The following HPSE2 variants were observed in gnomAD, a reference collection of about 807,000 sequenced individuals.
The protein encoded by HPSE2 is inactive heparanase-2.
Under a neutral mutation model 60.5 loss-of-function variants are expected in HPSE2, and 38 were observed. That is an observed-to-expected ratio of 0.63 (90% CI 0.48 to 0.82). The LOEUF (loss-of-function observed/expected upper bound fraction) is 0.82. Ranked by LOEUF, HPSE2 falls within the 40% of genes least tolerant of loss-of-function variation. The probability of loss-of-function intolerance (pLI) is 0.00; values close to 1 mark genes in which losing one functional copy is unlikely to be tolerated. For missense variants in HPSE2, 713 were observed against 740.4 expected (o/e 0.96, Z 0.43); for synonymous variants, 295 against 293.2 (o/e 1.01, Z -0.06).
intron 3 of HPSE2, among the ~76,000 whole-genome samples, chr10:99,070,339 G>A (rs1311639335): frequency 1.3e-5 from 2 of 152,266 alleles, no homozygotes; most frequent in South Asian, 2.1e-4. Flanking sequence ...AAGATATACT[G>A]ATGGCAAATA....
intron 3 of HPSE2, among the ~76,000 whole-genome samples, chr10:98,819,910 G>A (rs1217513145): frequency 6.6e-6 from 1 of 152,066 alleles, no homozygotes. Flanking sequence ...CATGGATGGA[G>A]ATTTATACAA....
chr10:99,055,575 G>GA (rs1958093556), intron 3 of HPSE2, among the ~76,000 whole-genome samples: 1 of 152,030 alleles, frequency 6.6e-6, no homozygotes, highest in African/African-American at 2.4e-5. Flanking sequence ...CAATTTTGGT[G>GA]AAAAACACCC....
chr10:99,272,125 G>C, the HPSE2 span, among the ~76,000 whole-genome samples: 1 of 152,094 alleles, frequency 6.6e-6, no homozygotes, highest in African/African-American at 2.4e-5. Context: ...ACAAAAATTA[G>C]CCAGGCATGG....
chr10:98,977,030 A>C (rs1486157280), intron 3 of HPSE2, among the ~76,000 whole-genome samples: 1 of 152,166 alleles, frequency 6.6e-6, no homozygotes, highest in Non-Finnish European at 1.5e-5. Context: ...AATAGAATTT[A>C]CTCAAGAGCC....
chr10:98,774,473 G>T (rs1950300777), intron 3 of HPSE2, among the ~76,000 whole-genome samples: 3 of 152,110 alleles, frequency 2.0e-5, no homozygotes, highest in Non-Finnish European at 4.4e-5. Context: ...TGTATTGTTA[G>T]TGTTATCCAT....
chr10:99,219,103 C>T (rs1320231978), intron 2 of HPSE2, among the ~76,000 whole-genome samples: 4 of 152,190 alleles, frequency 2.6e-5, no homozygotes, highest in Non-Finnish European at 5.9e-5. Flanking sequence ...TGGGCCTCCT[C>T]TGCAGTAAAG....
At chr10:98,769,394 T>A (rs1417035634) in intron 3 of HPSE2, among the ~76,000 whole-genome samples, 1 of 152,214 alleles carries the variant, frequency 6.6e-6, no homozygotes, top group Non-Finnish European at 1.5e-5. Flanking sequence ...TGGACATCTT[T>A]AGTCATAATT....
chr10:98,749,497 A>G (rs1949705646), intron 3 of HPSE2, among the ~76,000 whole-genome samples: 1 of 151,564 alleles, frequency 6.6e-6, no homozygotes, highest in South Asian at 2.1e-4. Context: ...ATACAGATAT[A>G]TATATGCATA....
intron 3 of HPSE2, among the ~76,000 whole-genome samples, chr10:98,800,205 T>C (rs1020973869): frequency 6.6e-6 from 1 of 151,592 alleles, no homozygotes; most frequent in East Asian, 1.9e-4. Flanking sequence ...TCATCTCTAC[T>C]AAAAATACAA....
chr10:99,239,575 G>A (rs572312184), upstream of HPSE2, among the ~76,000 whole-genome samples: 6 of 151,730 alleles, frequency 4.0e-5, no homozygotes, highest in Non-Finnish European at 7.4e-5. Flanking sequence ...GACTACAGGC[G>A]CACATCGCCA....
intron 3 of HPSE2, among the ~76,000 whole-genome samples, chr10:98,935,624 A>C (rs1954765943): frequency 6.9e-6 from 1 of 144,402 alleles, no homozygotes; most frequent in South Asian, 2.1e-4. Flanking sequence ...AAGATTGCAG[A>C]ACAGCAAAGA....
intron 2 of HPSE2, among the ~76,000 whole-genome samples, chr10:99,168,161 T>C (rs1847162672): frequency 1.3e-5 from 2 of 151,870 alleles, no homozygotes; most frequent in African/African-American, 2.4e-5. Context: ...ATTGAATTTA[T>C]ACATTAATTT....
intron 6 of HPSE2, among the ~76,000 whole-genome samples, chr10:98,674,146 T>G (rs909365468): frequency 6.6e-6 from 1 of 152,230 alleles, no homozygotes; most frequent in Non-Finnish European, 1.5e-5. Context: ...ATTTGGCACA[T>G]GGAAGGCTTT....
intron 3 of HPSE2, among the ~76,000 whole-genome samples, chr10:99,073,290 C>A (rs1842857122): frequency 6.6e-6 from 1 of 152,142 alleles, no homozygotes; most frequent in Non-Finnish European, 1.5e-5. Flanking sequence ...GAATACTATG[C>A]AGCCATAAAA....
At chr10:98,746,784 AT>A (rs1054469130) in intron 3 of HPSE2, among the ~76,000 whole-genome samples, 4 of 151,984 alleles carry the variant, frequency 2.6e-5, no homozygotes, top group African/African-American at 9.7e-5. Context: ...TACAAAAAAA[AT>A]CTAGTAGGAT....
chr10:98,686,175 C>T (rs1947910822), intron 6 of HPSE2, among the ~76,000 whole-genome samples: 1 of 151,964 alleles, frequency 6.6e-6, no homozygotes, highest in South Asian at 2.1e-4. Flanking sequence ...ATCTTTATTT[C>T]CTTCATTTTA....
rs4540776 is a variant in HPSE2, at chr10:98,937,443, A to T, written c.611-193387T>A. Among the ~76,000 whole-genome samples the T allele has an allele frequency of 1.4e-5, 2 of 143,138 alleles. 1 individual carries two copies. The highest frequency in any genetic ancestry group is 5.7e-5 in the African/African-American group (2 of 35,040). 93.9% of individuals were successfully genotyped at this position (143,138 alleles called of 152,430 possible). A position where few individuals can be genotyped will look rare whatever the true frequency, so the allele number is the denominator to read the frequency against. Reference sequence around the variant, plus strand: ...CGCACCAGGAGATTATATCCCGCACATGGCTTGGAGGGTCCTACGCCCACG... The same window carrying T: ...CGCACCAGGAGATTATATCCCGCACTTGGCTTGGAGGGTCCTACGCCCACG... On this transcript the variant is annotated intron_variant, in intron 3 of 11. Coordinates refer to ENST00000370552, the MANE Select transcript of HPSE2 (RefSeq NM_021828.5).
At chr10:98,688,505 T>G (rs1194719035) in intron 6 of HPSE2, among the ~76,000 whole-genome samples, 5 of 146,322 alleles carry the variant, frequency 3.4e-5, no homozygotes, top group Non-Finnish European at 7.5e-5. Context: ...AGGCAGAATC[T>G]TGCTCTGTTG....
intron 6 of HPSE2, among the ~76,000 whole-genome samples, chr10:98,650,850 G>C (rs1946895577): frequency 4.6e-5 from 7 of 152,178 alleles, no homozygotes; most frequent in Admixed American, 4.6e-4. Context: ...CCAATAGTTT[G>C]AGGTAGATTT....
Sources: allele counts gnomAD v4.1 joint callset (sites outside exome capture counted in the v4.1 genomes callset), GRCh38; gene constraint gnomAD v4.1.1; transcripts MANE v1.5; gene names NCBI Gene and HGNC (gene_info 2026-07-23, HGNC 2026-07-21).